DIDO1: variants seen among roughly 807,000 people sequenced by gnomAD.
The protein encoded by DIDO1 is death inducer-obliterator 1.
DIDO1 carries 16 observed loss-of-function variants against 99.4 expected under a neutral mutation model. The observed-to-expected ratio is 0.16, with a 90% CI of 0.11 to 0.24. DIDO1 has a LOEUF of 0.24. DIDO1 is among the 10% of genes least tolerant of loss of function. The pLI is 1.00. For missense variants in DIDO1, 2,996 were observed against 3,014.0 expected (o/e 0.99, Z 0.14); for synonymous variants, 1,366 against 1,239.1 (o/e 1.10, Z -2.15).
At chr20:62,904,780 CAAAAAAAA>C (rs58039393) in intron 6 of DIDO1, among the ~76,000 whole-genome samples, 22,351 of 62,470 alleles carry the variant, frequency 0.36, 2,536 homozygotes, top group East Asian at 0.49. Context: ...ACTCTTGTCT[CAAAAAAAA>C]AAAAAAAAAA....
intron 15 of DIDO1, chr20:62,890,725 T>C (rs1398901046): frequency 1.5e-6 from 2 of 1,377,054 alleles, no homozygotes; most frequent in Non-Finnish European, 1.9e-6. Context: ...AGGCTGTGGG[T>C]TTTTCCCTCT....
intron 15 of DIDO1, chr20:62,888,123 G>A (rs922281465): frequency 4.1e-5 from 40 of 985,390 alleles, no homozygotes; most frequent in Non-Finnish European, 4.3e-5. Flanking sequence ...GCACAGCTGG[G>A]CACCTTCAGG....
Position 62,894,650 on chromosome 20 carries a change from G to T in DIDO1, c.2437-102C>A. 2 of 1,477,798 alleles carry T rather than the reference G, an allele frequency of 1.4e-6. No individual in the cohort carries two copies. Among genetic ancestry groups the T allele is most frequent in the Non-Finnish European group, 1.8e-6 (2 of 1,106,404 alleles). 91.5% of individuals were successfully genotyped at this position (1,477,798 alleles called of 1,614,324 possible). A position where few individuals can be genotyped will look rare whatever the true frequency, so the allele number is the denominator to read the frequency against. On this transcript the variant is annotated intron_variant, in intron 10 of 15. Transcript: ENST00000395343. This position sits in a 1 kb window ranked among gnomAD's most constrained non-coding sequence, Gnocchi z 4.4. ...GCAGTCTCATGGGATTGAGACCCAC[G>T]GGGGAGAAAAAAGGACCATCTAATA...
chr20:62,910,059 A>C (rs1195775955), intron 3 of DIDO1, 39 bp from the exon 4 acceptor site: 1 of 1,580,088 alleles, frequency 6.3e-7, no homozygotes, highest in Non-Finnish European at 8.6e-7. Flanking sequence ...ATGGGACGTG[A>C]GTGACAAGCA....
chr20:62,935,988 G>T (rs2065379151), intron 1 of DIDO1, among the ~76,000 whole-genome samples: 1 of 152,258 alleles, frequency 6.6e-6, no homozygotes, highest in Non-Finnish European at 1.5e-5. Flanking sequence ...TGGCTGTTGG[G>T]AGGAGGAGCA....
At position 62,880,914 on chromosome 20, in the gene DIDO1, T is replaced by C; in HGVS notation, c.5042A>G (p.Asp1681Gly). ...GFPLQHDGER[D>G]PFTCPGFASQ... ...CGCGAACCCCGGGCAGGTGAAAGGG[T>C]CCCTCTCACCGTCGTGCTGCAGCGG... The change falls in exon 16 of 16, where the codon GAC becomes GGC. Residue 1681 changes from aspartate to glycine, a missense_variant. Physicochemically the swap from Asp to Gly is moderately conservative, Grantham distance 94. Coordinates refer to ENST00000395343, the MANE Select transcript of DIDO1 (RefSeq NM_001193369.2). 8 of 1,610,576 alleles carry C rather than the reference T, an allele frequency of 5.0e-6. No homozygotes were observed. The highest frequency in any genetic ancestry group is 6.8e-6 in the Non-Finnish European group (8 of 1,179,842).
intron 1 of DIDO1, among the ~76,000 whole-genome samples, chr20:62,917,217 G>C (rs1162332262): frequency 6.6e-6 from 1 of 151,878 alleles, no homozygotes; most frequent in African/African-American, 2.4e-5. Context: ...TTTTTGTAGA[G>C]ACAGGGTCTT....
At chr20:62,929,448 G>C (rs116489808), upstream of DIDO1, among the ~76,000 whole-genome samples, 2,874 of 152,170 alleles carry the variant, frequency 0.019, 83 homozygotes, top group African/African-American at 0.064. Context: ...AGGCAGGATG[G>C]AGGCCTGCAG....
chr20:62,937,659 C>A, intron 1 of DIDO1: 1 of 395,082 alleles, frequency 2.5e-6, no homozygotes, highest in Non-Finnish European at 4.5e-6. Context: ...CCCTGGACCT[C>A]AGGGACACTA....
In DIDO1 at chr20:62,901,982, CTA is replaced by C. The variant is rs559340261; in HGVS notation, c.1588+3903_1588+3904del. On this transcript the variant is annotated intron_variant, in intron 6 of 15. Coordinates refer to ENST00000395343, the MANE Select transcript of DIDO1 (RefSeq NM_001193369.2). ...GCTTTCCCGAGTATTCATCTTTAGA[CTA>C]TGAGTAGATCCACAGCTCCGAAAGG... 9.9e-5 allele frequency among the ~76,000 whole-genome samples: 15 copies of C among 152,070 alleles called. No homozygotes were observed. The South Asian group carries it at 2.7e-3, about 27-fold the overall frequency.
upstream of DIDO1, among the ~76,000 whole-genome samples, chr20:62,929,909 G>A (rs569283070): frequency 2.6e-5 from 4 of 151,882 alleles, no homozygotes; most frequent in East Asian, 3.9e-4. Flanking sequence ...AAGCAAACAC[G>A]AAAGCACTGC....
In DIDO1 at chr20:62,894,935, C is replaced by G; in HGVS notation, c.2332-21G>C. 6.2e-7 allele frequency: 1 copy of G among 1,611,040 alleles called. No homozygotes were observed. Among genetic ancestry groups the G allele is most frequent in the East Asian group, 2.2e-5 (1 of 44,860 alleles). ...ATCACCTGAAATGAAAAAGACGAAACAGAGCTTAGGCCTTGTTTTCTAGGA... is the reference window on the plus strand; with the variant it reads ...ATCACCTGAAATGAAAAAGACGAAAGAGAGCTTAGGCCTTGTTTTCTAGGA... On this transcript the variant is annotated intron_variant, in intron 9 of 15. Coordinates refer to ENST00000395343, the MANE Select transcript of DIDO1 (RefSeq NM_001193369.2). This position sits in a 1 kb window ranked among gnomAD's most constrained non-coding sequence, Gnocchi z 4.4.
At chr20:62,917,871 T>C (rs73314653) in intron 1 of DIDO1, among the ~76,000 whole-genome samples, 10,877 of 152,252 alleles carry the variant, frequency 0.071, 484 homozygotes, top group Middle Eastern at 0.13. Flanking sequence ...TATTAGACTA[T>C]TATTATGCAG....
At chr20:62,937,896 G>C in exon 1 of DIDO1, 1 of 398,444 alleles carries the variant, frequency 2.5e-6, no homozygotes, top group Non-Finnish European at 4.4e-6. Context: ...GACGCCTTTT[G>C]ACTCTGGCGC....
chr20:62,930,412 C>A (rs908976099), upstream of DIDO1, among the ~76,000 whole-genome samples: 5 of 152,090 alleles, frequency 3.3e-5, no homozygotes, highest in African/African-American at 1.2e-4. Flanking sequence ...GGGGAACCGG[C>A]AAGATGGAAA....
chr20:62,937,831 G>A (rs921064346), exon 1 of DIDO1: 7 of 398,184 alleles, frequency 1.8e-5, no homozygotes, highest in Non-Finnish European at 2.7e-5. Flanking sequence ...TCGCCATCCC[G>A]GTTCCAGATT....
At chr20:62,905,741 G>A in intron 6 of DIDO1, 146 bp downstream of exon 6, 6 of 1,606,922 alleles carry the variant, frequency 3.7e-6, no homozygotes, top group Non-Finnish European at 4.3e-6. Context: ...TCCTGGACAT[G>A]GGCTCTGCTT....
At chr20:62,890,775 G>A in intron 15 of DIDO1, 185 bp downstream of exon 15, 2 of 1,443,832 alleles carry the variant, frequency 1.4e-6, no homozygotes, top group Non-Finnish European at 1.8e-6. Flanking sequence ...TGTGAATCAG[G>A]GGTACTTCTC....
intron 6 of DIDO1, among the ~76,000 whole-genome samples, chr20:62,903,338 T>G (rs2064726327): frequency 6.6e-6 from 1 of 152,134 alleles, no homozygotes; most frequent in Non-Finnish European, 1.5e-5. Context: ...GGAGGGTGCC[T>G]AGGTGCACTG....
Sources: allele counts gnomAD v4.1 joint callset (sites outside exome capture counted in the v4.1 genomes callset), GRCh38; gene constraint gnomAD v4.1.1; non-coding constraint Gnocchi (gnomAD v3.1); transcripts MANE v1.5; gene names NCBI Gene and HGNC (gene_info 2026-07-23, HGNC 2026-07-21).